The following DPP6 variants were observed in gnomAD, a reference collection of about 807,000 sequenced individuals.
DPP6 encodes dipeptidyl peptidase like 6, also known as A-type potassium channel modulatory protein DPP6.
A neutral mutation model predicts 122.6 loss-of-function variants in DPP6; 69 were observed. The ratio of observed to expected loss-of-function variants is 0.56; its 90% confidence interval spans 0.46 to 0.69. The LOEUF (loss-of-function observed/expected upper bound fraction) is 0.69, where lower values mean the gene tolerates loss of function less well. DPP6 is among the 30% of genes least tolerant of loss of function. DPP6 has a pLI of 0.00. For missense variants in DPP6, 928 were observed against 1,116.9 expected (o/e 0.83, Z 2.41); for synonymous variants, 418 against 433.1 (o/e 0.97, Z 0.43).
rs1025126009 is a variant in DPP6 at position 154,810,175 on chromosome 7, C to A, written c.1666+3063C>A. Reference sequence around the variant, plus strand: ...CTGGCCCTTACTTAACAAACACTTTCGCTGCTTCCCTTTGGAGGTCACAGC... The same window carrying A: ...CTGGCCCTTACTTAACAAACACTTTAGCTGCTTCCCTTTGGAGGTCACAGC... On this transcript the variant is annotated intron_variant, in intron 16 of 25. Coordinates refer to ENST00000377770, the MANE Select transcript of DPP6 (RefSeq NM_130797.4). Among the ~76,000 whole-genome samples the A allele has an allele frequency of 7.2e-5, 11 of 152,266 alleles. No individual in the cohort carries two copies. In the South Asian group the frequency reaches 2.1e-3, roughly 29 times the overall value.
At chr7:154,661,590 C>T (rs1439702535) in intron 6 of DPP6, among the ~76,000 whole-genome samples, 4 of 112,710 alleles carry the variant, frequency 3.5e-5, no homozygotes, top group Admixed American at 1.8e-4. Context: ...GCGTATTGGC[C>T]GTAGTGTTCA....
chr7:153,907,313 C>T (rs753971200), intron 1 of DPP6, among the ~76,000 whole-genome samples: 10 of 152,072 alleles, frequency 6.6e-5, no homozygotes, highest in East Asian at 1.9e-4. Context: ...CTGATGGCTT[C>T]GTGTGGATCA....
intron 10 of DPP6, among the ~76,000 whole-genome samples, chr7:154,788,094 T>G (rs1250129569): frequency 2.0e-5 from 3 of 152,180 alleles, no homozygotes; most frequent in Non-Finnish European, 2.9e-5. Context: ...GTTGAGTTTT[T>G]AATTTTGAGC....
At chr7:154,089,425 T>C (rs1397920722) in intron 1 of DPP6, among the ~76,000 whole-genome samples, 1 of 133,792 alleles carries the variant, frequency 7.5e-6, no homozygotes, top group Admixed American at 8.0e-5. Flanking sequence ...TTCTATCATT[T>C]TCTAACTTAA....
Position 154,230,285 on chromosome 7 carries a change from T to A in DPP6, c.243+177222T>A, listed in dbSNP as rs145386284. ...TCTTAATAGGAAGTAGGTAAAGATT[T>A]GCTCTGCAAGGAATGATAATCAACA... On this transcript the variant is annotated intron_variant, in intron 1 of 25. Transcript: ENST00000377770. Among the ~76,000 whole-genome samples, 1,155 of 152,318 alleles carry A rather than the reference T, an allele frequency of 7.6e-3. 15 individuals carry two copies. The highest frequency in any genetic ancestry group is 0.026 in the African/African-American group (1,076 of 41,564).
intron 1 of DPP6, among the ~76,000 whole-genome samples, chr7:154,395,993 C>T (rs1328325200): frequency 1.1e-4 from 16 of 149,142 alleles, no homozygotes; most frequent in African/African-American, 4.0e-4. Context: ...CTGTCAAATG[C>T]TTTTTCTGCA....
intron 1 of DPP6, among the ~76,000 whole-genome samples, chr7:154,327,686 C>CCCTACATTG (rs1310081198): frequency 6.6e-6 from 1 of 152,164 alleles, no homozygotes; most frequent in Non-Finnish European, 1.5e-5. Context: ...CTAACCCCCA[C>CCCTACATTG]CCTACATTGC....
rs559457441 is a variant in DPP6 at position 154,302,038 on chromosome 7, C to T, written c.244-144176C>T. On this transcript the variant is annotated intron_variant, in intron 1 of 25. Coordinates refer to ENST00000377770, the MANE Select transcript of DPP6 (RefSeq NM_130797.4). ...TTCACCATGTTAGCCAGGATGGTCTCGATCTCCTGACCTCGTGATCTACCC... is the reference window on the plus strand; with the variant it reads ...TTCACCATGTTAGCCAGGATGGTCTTGATCTCCTGACCTCGTGATCTACCC... Among the ~76,000 whole-genome samples, 11 of 151,520 alleles carry T rather than the reference C, an allele frequency of 7.3e-5. 1 individual carries two copies. The highest frequency in any genetic ancestry group is 2.7e-4 in the African/African-American group (11 of 41,204).
intron 19 of DPP6, among the ~76,000 whole-genome samples, chr7:154,874,892 C>G (rs903647541): frequency 6.6e-6 from 1 of 152,202 alleles, no homozygotes; most frequent in Non-Finnish European, 1.5e-5. Context: ...TGGCCCTGTT[C>G]CCAGCCTGGG....
rs548184955 is a variant in DPP6 at position 154,691,540 on chromosome 7, G to A, written c.762+22099G>A. Among the ~76,000 whole-genome samples, 19 of 152,308 alleles carry A rather than the reference G, an allele frequency of 1.2e-4. No individual in the cohort carries two copies. The South Asian group carries it at 3.3e-3, about 27-fold the overall frequency. On this transcript the variant is annotated intron_variant, in intron 7 of 25. Coordinates refer to ENST00000377770, the MANE Select transcript of DPP6 (RefSeq NM_130797.4). ...TGACTGAAAAGAAAATAAAGCAGCC[G>A]GGCGCGGTGGCTCACTCCTGTAATC...
chr7:154,149,952 G>A (rs1016308750), intron 1 of DPP6, among the ~76,000 whole-genome samples: 9 of 152,020 alleles, frequency 5.9e-5, no homozygotes, highest in African/African-American at 1.9e-4. Context: ...GGGAGAAGGC[G>A]GCTCTTTTTT....
At chr7:154,174,678 G>A (rs956121693) in intron 1 of DPP6, among the ~76,000 whole-genome samples, 10 of 152,044 alleles carry the variant, frequency 6.6e-5, no homozygotes, top group East Asian at 1.9e-4. Context: ...CAGACAAATC[G>A]ATATCTCCAA....
At chr7:154,552,611 T>G (rs1435725962) in intron 4 of DPP6, among the ~76,000 whole-genome samples, 1 of 152,176 alleles carries the variant, frequency 6.6e-6, no homozygotes, top group Non-Finnish European at 1.5e-5. Flanking sequence ...CACCATAATG[T>G]TGACAGAAAT....
chr7:154,478,337 C>T (rs1822934874), intron 3 of DPP6, among the ~76,000 whole-genome samples: 1 of 151,988 alleles, frequency 6.6e-6, no homozygotes, highest in African/African-American at 2.4e-5. Flanking sequence ...AAGCGGTGAG[C>T]GATTTGTTCA....
intron 1 of DPP6, among the ~76,000 whole-genome samples, chr7:154,137,856 G>A (rs1345073528): frequency 2.6e-5 from 4 of 152,194 alleles, no homozygotes; most frequent in Non-Finnish European, 4.4e-5. Context: ...GGAAATGACT[G>A]TGGTATGCAG....
In DPP6 at chr7:154,483,401, T is replaced by TTTTTTTAA. The variant is rs61038137; in HGVS notation, c.457+8364_457+8365insTTTTTTAA. 8.6e-5 allele frequency among the ~76,000 whole-genome samples: 13 copies of TTTTTTTAA among 151,362 alleles called. No homozygotes were observed. The highest frequency in any genetic ancestry group is 3.2e-4 in the African/African-American group (13 of 41,250). On this transcript the variant is annotated intron_variant, in intron 3 of 25. Coordinates refer to ENST00000377770, the MANE Select transcript of DPP6 (RefSeq NM_130797.4). The surrounding 1 kb of genome is among the most constrained non-coding windows in gnomAD (Gnocchi z 8.1). ...AGGCACAATACAATTTTTTTTTTTT[T>TTTTTTTAA]AAAAGCATTTATTTGAGCAAACAGT...
chr7:154,019,598 C>T (rs932093875), intron 1 of DPP6, among the ~76,000 whole-genome samples: 7 of 152,102 alleles, frequency 4.6e-5, no homozygotes, highest in South Asian at 4.1e-4. Flanking sequence ...TGTCTTATTA[C>T]GAAGCAAGGA....
chr7:154,336,496 G>C (rs1809436837), intron 1 of DPP6, among the ~76,000 whole-genome samples: 1 of 152,172 alleles, frequency 6.6e-6, no homozygotes, highest in Non-Finnish European at 1.5e-5. Flanking sequence ...GGAGGCACCA[G>C]GTCCCGCAAC....
At chr7:154,741,555 T>A (rs548905534) in intron 8 of DPP6, among the ~76,000 whole-genome samples, 1 of 152,306 alleles carries the variant, frequency 6.6e-6, no homozygotes, top group South Asian at 2.1e-4. Context: ...GGCACCTGGA[T>A]TATTTTATTT....
Sources: allele counts gnomAD v4.1 joint callset (sites outside exome capture counted in the v4.1 genomes callset), GRCh38; gene constraint gnomAD v4.1.1; non-coding constraint Gnocchi (gnomAD v3.1); transcripts MANE v1.5; gene names NCBI Gene and HGNC (gene_info 2026-07-23, HGNC 2026-07-21).